Variants in USP11 observed in about 807,000 individuals in gnomAD.
USP11 encodes ubiquitin carboxyl-terminal hydrolase 11.
A neutral mutation model predicts 72.8 loss-of-function variants in USP11; 5 were observed. That is an observed-to-expected ratio of 0.07 (90% CI 0.04 to 0.14). The LOEUF (loss-of-function observed/expected upper bound fraction) is 0.14. Among genes scored for constraint, USP11 ranks in the 10% least tolerant of loss-of-function variants. USP11 has a pLI of 1.00. For missense variants in USP11, 480 were observed against 794.7 expected, an observed-to-expected ratio of 0.60 and a Z score of 4.76; for synonymous variants, 368 against 326.5, an observed-to-expected ratio of 1.13 and a Z score of -1.37.
At chrX:47,240,968 C>T (rs1029076931) in intron 7 of USP11, 92 bp downstream of exon 7, 7 of 911,938 alleles carry the variant, frequency 7.7e-6, no homozygotes, top group Non-Finnish European at 1.1e-5. Context: ...GAGGGGACTA[C>T]AGGGCAAGGG....
intron 17 of USP11, 45 bp downstream of exon 17, chrX:47,245,527 G>T: frequency 2.3e-6 from 2 of 863,457 alleles, no homozygotes; most frequent in Non-Finnish European, 3.3e-6. Flanking sequence ...TTCATTGGAT[G>T]GAACTACTAT....
Position 47,248,083 on chromosome X carries a change from GCT to G in USP11, c.*159_*160del. 2.4e-6 allele frequency: 2 copies of G among 850,815 alleles called. No homozygotes were observed. The highest frequency in any genetic ancestry group is 3.2e-6 in the Non-Finnish European group (2 of 627,148). The allele number at this position is 850,815 out of a possible 1,213,427, so 70.1% of individuals were successfully genotyped here. On this transcript the variant is annotated 3_prime_UTR_variant, in exon 21 of 21. Coordinates refer to ENST00000377107, the MANE Select transcript of USP11 (RefSeq NM_001371072.1). Reference sequence around the variant, plus strand: ...TACTGTTCTCCTGTGCCGCTGCATCGCTCTCTCCCGGGAAAGAACAGGTCGTG... The same window carrying G: ...TACTGTTCTCCTGTGCCGCTGCATCGCTCTCCCGGGAAAGAACAGGTCGTG...
Position 47,247,348 on chromosome X carries a change from C to G in USP11, c.2465C>G (p.Ser822Trp). The G allele has an allele frequency of 8.3e-7, 1 of 1,211,268 alleles. No homozygotes were observed. The highest frequency in any genetic ancestry group is 1.7e-5 in the African/African-American group (1 of 57,638). The change falls in exon 19 of 21, where the codon TCG (serine) becomes TGG (tryptophan). Residue 822 changes from serine to tryptophan, a missense_variant. Ser to Trp is a radical substitution (Grantham distance 177). This residue lies in a region of USP11 where 314 missense variants were observed against 556.0 expected (regional missense o/e 0.56). Coordinates refer to ENST00000377107, the MANE Select transcript of USP11 (RefSeq NM_001371072.1). ...TTTGTCATCCAGCCACAGAATGAGTCGAATCCGGAGCTGTACAAATATGAC... is the reference window on the plus strand; with the variant it reads ...TTTGTCATCCAGCCACAGAATGAGTGGAATCCGGAGCTGTACAAATATGAC... Reference protein sequence around the residue: ...SEFVIQPQNESNPELYKYDLI... With the variant: ...SEFVIQPQNEWNPELYKYDLI...
At position 47,242,074 on chromosome X, in the gene USP11, A is replaced by C; in HGVS notation, c.1180-8A>C. Reference sequence around the variant, plus strand: ...AAGCCCCACCACCCACCATGACACTATCAACAGGAGGTGGCACAGGAGGCA... The same window carrying C: ...AAGCCCCACCACCCACCATGACACTCTCAACAGGAGGTGGCACAGGAGGCA... On this transcript the variant is annotated splice_region_variant and splice_polypyrimidine_tract_variant and intron_variant, in intron 9 of 20. Coordinates refer to ENST00000377107, the MANE Select transcript of USP11 (RefSeq NM_001371072.1). 2 of 1,206,939 alleles carry C rather than the reference A, an allele frequency of 1.7e-6. No individual in the cohort carries two copies. Among genetic ancestry groups the C allele is most frequent in the African/African-American group, 3.5e-5 (2 of 57,778 alleles).
chrX:47,245,514 G>C lies in USP11; in HGVS notation c.2270+32G>C, dbSNP rs775612257. On this transcript the variant is annotated intron_variant, in intron 17 of 20. Transcript: ENST00000377107. The stretch of plus-strand genomic sequence containing the variant: ...GGCCAGAGCGGGGCCTGTGTGTGGG[G>C]GTTTCATTGGATGGAACTACTATAT... 29 of 1,005,190 alleles carry C rather than the reference G, an allele frequency of 2.9e-5. No individual in the cohort carries two copies. In the Admixed American group the frequency reaches 6.8e-4, roughly 24 times the overall value. The allele number at this position is 1,005,190 out of a possible 1,213,427, so 82.8% of individuals were successfully genotyped here. A position where few individuals can be genotyped will look rare whatever the true frequency, so the allele number is the denominator to read the frequency against.
chrX:47,238,335 G>A (rs975183677), intron 1 of USP11, among the ~76,000 whole-genome samples: 2 of 109,432 alleles, frequency 1.8e-5, no homozygotes, highest in Middle Eastern at 4.7e-3. Context: ...TTACAGGCAC[G>A]TGCCAGCACA....
intron 17 of USP11, 96 bp from the exon 18 acceptor site, chrX:47,246,976 G>A (rs1451661785): frequency 3.0e-5 from 31 of 1,050,261 alleles, no homozygotes; most frequent in South Asian, 4.8e-5. Flanking sequence ...ATCCGAGATC[G>A]CGCCACTGTA....
At position 47,248,038 on chromosome X, in the gene USP11, A is replaced by G; in HGVS notation, c.*108A>G. 4 of 1,049,612 alleles carry G rather than the reference A, an allele frequency of 3.8e-6. No individual in the cohort carries two copies. Among genetic ancestry groups the G allele is most frequent in the East Asian group, 3.3e-5 (1 of 30,127 alleles). The allele number at this position is 1,049,612 out of a possible 1,213,427, so 86.5% of individuals were successfully genotyped here. A position where few individuals can be genotyped will look rare whatever the true frequency, so the allele number is the denominator to read the frequency against. The stretch of plus-strand genomic sequence containing the variant: ...TTCGTGTTAGGTGCCCCCGCCAGGC[A>G]TTGCAGGCTTAGTCGTGGCTACTGT... On this transcript the variant is annotated 3_prime_UTR_variant, in exon 21 of 21. Transcript: ENST00000377107.
At chrX:47,243,651 G>A (rs763530874) in intron 13 of USP11, 49 bp downstream of exon 13, 11 of 1,136,818 alleles carry the variant, frequency 9.7e-6, no homozygotes, top group Admixed American at 2.3e-5. Context: ...TCTGAACTCC[G>A]ACTTGGGTGT....
At position 47,242,504 on chromosome X, in the gene USP11, G is replaced by A. The variant is rs777516785; in HGVS notation, c.1470G>A (p.Thr490=). 3.3e-6 allele frequency: 4 copies of A among 1,210,306 alleles called. No individual in the cohort carries two copies. Among genetic ancestry groups the A allele is most frequent in the East Asian group, 3.0e-5 (1 of 33,764 alleles). Residue 490 remains threonine, a synonymous_variant, in exon 11 of 21, where the codon ACG becomes ACA. Coordinates refer to ENST00000377107, the MANE Select transcript of USP11 (RefSeq NM_001371072.1). ...TATGTGTGGCTCTGTCCAAACACAC[G>A]GGCATCTCGCCAGAGAGGGTGAGAC... is the stretch of plus-strand genomic sequence containing the variant. The part of the protein sequence containing the change: ...SDLCVALSKH[T]GISPERMMVA...
At chrX:47,245,613 C>T (rs1229874730) in intron 17 of USP11, 131 bp downstream of exon 17, 10 of 426,920 alleles carry the variant, frequency 2.3e-5, no homozygotes, top group South Asian at 1.2e-4. Flanking sequence ...GGTACAATCT[C>T]GGCTCAGTGC....
intron 13 of USP11, among the ~76,000 whole-genome samples, chrX:47,244,043 G>A (rs994847261): frequency 1.5e-4 from 17 of 110,429 alleles, no homozygotes; most frequent in African/African-American, 5.3e-4. Flanking sequence ...AGTTACAGCC[G>A]GTATGTGTCT....
Position 47,243,507 on chromosome X carries a change from C to T in USP11, c.1695C>T (p.Tyr565=), listed in dbSNP as rs762232804. Reference sequence around the variant, plus strand: ...CCCGTGACTACAACAACTCCTACTACGGCCTGATGCTTTTTGGACACCCCC... The same window carrying T: ...CCCGTGACTACAACAACTCCTACTATGGCCTGATGCTTTTTGGACACCCCC... ...TPARDYNNSY[Y]GLMLFGHPLL... The change falls in exon 13 of 21, where the codon TAC becomes TAT. Residue 565 remains tyrosine (Y), a synonymous_variant. Coordinates refer to ENST00000377107, the MANE Select transcript of USP11 (RefSeq NM_001371072.1). The T allele has an allele frequency of 3.1e-5, 37 of 1,209,782 alleles. No homozygotes were observed. Among genetic ancestry groups the T allele is most frequent in the Middle Eastern group, 2.3e-4 (1 of 4,375 alleles).
At chrX:47,233,348 G>A (rs1353620873) in intron 1 of USP11, 129 bp downstream of exon 1, 15 of 925,240 alleles carry the variant, frequency 1.6e-5, no homozygotes, top group Admixed American at 4.7e-5. Flanking sequence ...TGGCCGGCGG[G>A]ACAGCGGGCT....
At position 47,247,434 on chromosome X, in the gene USP11, G is replaced by A; in HGVS notation, c.2536+15G>A. On this transcript the variant is annotated intron_variant, in intron 19 of 20. Transcript: ENST00000377107. Reference sequence around the variant, plus strand: ...TGATGGACACTGTATGTGCCAGGCTGTGGGTGGGGCCTGCCCTGGGGGTTC... The same window carrying A: ...TGATGGACACTGTATGTGCCAGGCTATGGGTGGGGCCTGCCCTGGGGGTTC... The A allele has an allele frequency of 8.3e-7, 1 of 1,207,903 alleles. No individual in the cohort carries two copies. The highest frequency in any genetic ancestry group is 1.1e-6 in the Non-Finnish European group (1 of 892,596).
intron 7 of USP11, 198 bp downstream of exon 7, chrX:47,241,074 C>T: frequency 1.8e-6 from 1 of 562,029 alleles, no homozygotes; most frequent in African/African-American, 2.3e-5. Flanking sequence ...CCTCATTTTC[C>T]CTCTTCTCTT....
intron 16 of USP11, 128 bp from the exon 17 acceptor site, chrX:47,245,242 G>C: frequency 1.1e-6 from 1 of 913,864 alleles, no homozygotes; most frequent in Non-Finnish European, 1.5e-6. Flanking sequence ...TCCAGGGCCT[G>C]AGGTTCCTAG....
In USP11 at chrX:47,241,543, C is replaced by A; in HGVS notation, c.1023C>A (p.Asn341Lys). The A allele has an allele frequency of 8.4e-7, 1 of 1,196,071 alleles. No homozygotes were observed. Among genetic ancestry groups the A allele is most frequent in the Non-Finnish European group, 1.1e-6 (1 of 887,380 alleles). Residue 341 changes from asparagine to lysine, a missense_variant and splice_region_variant, in exon 9 of 21, where the codon AAC becomes AAA. Asn to Lys is a moderately conservative substitution (Grantham distance 94). This residue lies in a region of USP11 where 314 missense variants were observed against 556.0 expected (regional missense o/e 0.56). Transcript: ENST00000377107. ...GATGACCCTGCCCATCTTCTTAGAA[C>A]AAGGTTGGCCATTTTGCATCCCAAT... Reference protein sequence around the residue: ...HRSIVPHVFKNKVGHFASQFL... With the variant: ...HRSIVPHVFKKKVGHFASQFL...
intron 12 of USP11, 80 bp downstream of exon 12, chrX:47,242,800 T>A: frequency 5.1e-6 from 4 of 777,613 alleles, no homozygotes; most frequent in Non-Finnish European, 7.9e-6. Flanking sequence ...CTTAACCACC[T>A]TCTCTCTTCC....
Sources: gnomAD v4.1 joint callset for allele counts (sites outside exome capture counted in the v4.1 genomes callset) on GRCh38, gnomAD v4.1.1 for gene constraint, gnomAD v4.1.1 regional missense constraint, MANE v1.5 for transcripts, NCBI Gene and HGNC (gene_info 2026-07-23, HGNC 2026-07-21) for gene names.